The following FAM117B variants were observed in gnomAD, a reference collection of about 807,000 sequenced individuals.
FAM117B encodes the protein family with sequence similarity 117 member B.
Under a neutral mutation model 52.8 loss-of-function variants are expected in FAM117B, and 22 were observed. The ratio of observed to expected loss-of-function variants is 0.42; its 90% CI spans 0.30 to 0.59. FAM117B has a LOEUF of 0.59. FAM117B is among the 20% of genes least tolerant of loss of function. The probability of loss-of-function intolerance (pLI) is 0.22; values close to 1 mark genes in which losing one functional copy is unlikely to be tolerated. For missense variants in FAM117B, 678 were observed against 802.6 expected (o/e 0.84, Z 1.88); for synonymous variants, 309 against 324.1 (o/e 0.95, Z 0.50).
intron 1 of FAM117B, among the ~76,000 whole-genome samples, chr2:202,684,825 A>T (rs557808584): frequency 6.6e-6 from 1 of 152,188 alleles, no homozygotes; most frequent in Non-Finnish European, 1.5e-5. Context: ...GCTTATAGGA[A>T]TATAACTGTA....
At chr2:202,731,368 T>G (rs61660522) in intron 4 of FAM117B, among the ~76,000 whole-genome samples, 14,942 of 95,548 alleles carry the variant, frequency 0.16, 2,439 homozygotes, top group African/African-American at 0.33. Flanking sequence ...TATATATATA[T>G]GGAGAGAGAG....
chr2:202,660,331 AC>A (rs1403159255), intron 1 of FAM117B, among the ~76,000 whole-genome samples: 3 of 152,076 alleles, frequency 2.0e-5, no homozygotes, highest in Admixed American at 6.6e-5. Context: ...AGGCAATCAG[AC>A]TGGTTGGATT....
At chr2:202,664,116 C>T (rs1173054901) in intron 1 of FAM117B, among the ~76,000 whole-genome samples, 1 of 152,194 alleles carries the variant, frequency 6.6e-6, no homozygotes, top group African/African-American at 2.4e-5. Flanking sequence ...CATTTATATA[C>T]TTCTGTGCAT....
chr2:202,735,303 A>G (rs887523392), intron 4 of FAM117B, among the ~76,000 whole-genome samples: 2 of 152,128 alleles, frequency 1.3e-5, no homozygotes, highest in Admixed American at 6.5e-5. Context: ...GACTTTTTAC[A>G]AGTTATTACA....
intron 1 of FAM117B, among the ~76,000 whole-genome samples, chr2:202,671,222 G>C (rs1195437489): frequency 6.6e-6 from 1 of 152,232 alleles, no homozygotes; most frequent in Non-Finnish European, 1.5e-5. Flanking sequence ...CCTGAGACAA[G>C]GATTTGTTTG....
At chr2:202,700,385 T>C (rs1402807201) in intron 2 of FAM117B, among the ~76,000 whole-genome samples, 1 of 152,222 alleles carries the variant, frequency 6.6e-6, no homozygotes, top group African/African-American at 2.4e-5. Context: ...ATTGGCAATA[T>C]GGAAAAAGTT....
intron 4 of FAM117B, among the ~76,000 whole-genome samples, chr2:202,736,246 A>G (rs1691436021): frequency 6.6e-6 from 1 of 152,198 alleles, no homozygotes; most frequent in South Asian, 2.1e-4. Flanking sequence ...TTGAGAGAAT[A>G]GGTACTTTTG....
At chr2:202,718,949 C>A (rs924123407) in intron 2 of FAM117B, among the ~76,000 whole-genome samples, 4 of 152,136 alleles carry the variant, frequency 2.6e-5, no homozygotes, top group Non-Finnish European at 5.9e-5. Flanking sequence ...AGAAGCTCTT[C>A]GAGAATAAGA....
At position 202,731,602 on chromosome 2, in the gene FAM117B, T is replaced by C. The variant is rs564893964; in HGVS notation, c.960+5239T>C. On this transcript the variant is annotated intron_variant, in intron 4 of 7. Coordinates refer to ENST00000392238, the MANE Select transcript of FAM117B (RefSeq NM_173511.4). ...CCTACCACCATGCCCGGCTAATTTT[T>C]TGAGTTTTTAGTAAATACAGGGTTT... Among the ~76,000 whole-genome samples the C allele has an allele frequency of 2.0e-3, 298 of 148,086 alleles. 3 individuals are homozygous for C. The highest frequency in any genetic ancestry group is 6.9e-3 in the African/African-American group (277 of 40,144).
intron 7 of FAM117B, among the ~76,000 whole-genome samples, chr2:202,759,557 ATTTT>A (rs554908259): frequency 1.4e-5 from 2 of 140,914 alleles, no homozygotes; most frequent in African/African-American, 2.6e-5. Flanking sequence ...AGCCTGGCTA[ATTTT>A]TTTTTTTTTT....
Position 202,659,604 on chromosome 2 carries a change from CTTTTTTTTTTT to C in FAM117B, c.601+23836_601+23846del, listed in dbSNP as rs71030981. Among the ~76,000 whole-genome samples, 375 of 62,296 alleles carry C rather than the reference CTTTTTTTTTTT, an allele frequency of 6.0e-3. 6 individuals are homozygous for C. Among genetic ancestry groups the C allele is most frequent in the African/African-American group, 0.019 (308 of 16,610 alleles). The allele number at this position is 62,296 out of a possible 152,430, so 40.9% of individuals were successfully genotyped here. On this transcript the variant is annotated intron_variant, in intron 1 of 7. Transcript: ENST00000392238. ...GAGATTACAGACGTGAGCCACCGTG[CTTTTTTTTTTT>C]TTTTTTTTTTTTTTTTTTTGACGGA...
chr2:202,726,412 C>T, intron 4 of FAM117B, 49 bp downstream of exon 4: 1 of 1,396,548 alleles, frequency 7.2e-7, no homozygotes, highest in Non-Finnish European at 1.0e-6. Flanking sequence ...TGTTGTTTTT[C>T]TGGTGATTTG....
chr2:202,747,154 A>G (rs1463798675), intron 4 of FAM117B, among the ~76,000 whole-genome samples: 1 of 152,222 alleles, frequency 6.6e-6, no homozygotes, highest in African/African-American at 2.4e-5. Flanking sequence ...GATATATCAC[A>G]TCAACAGAAT....
intron 7 of FAM117B, among the ~76,000 whole-genome samples, chr2:202,760,528 A>G (rs577999389): frequency 6.6e-6 from 1 of 152,082 alleles, no homozygotes; most frequent in East Asian, 1.9e-4. Context: ...CATGCTTCCC[A>G]TGGGTTAAGG....
rs577774647 is a variant in FAM117B, at chr2:202,649,297, C to G, written c.601+13509C>G. Among the ~76,000 whole-genome samples the G allele has an allele frequency of 5.1e-4, 77 of 152,282 alleles. 2 individuals are homozygous for G. In the South Asian group the frequency reaches 0.016, roughly 31 times the overall value. On this transcript the variant is annotated intron_variant, in intron 1 of 7. Coordinates refer to ENST00000392238, the MANE Select transcript of FAM117B (RefSeq NM_173511.4). ...TACCAGAATGTCTCCTTCCCTCTCT[C>G]TTTTCTGTCTTCCCTATCTTCACTA... is the stretch of plus-strand genomic sequence containing the variant.
At chr2:202,651,517 C>T (rs538107952) in intron 1 of FAM117B, among the ~76,000 whole-genome samples, 8 of 150,982 alleles carry the variant, frequency 5.3e-5, no homozygotes, top group African/African-American at 1.5e-4. Context: ...GGATTATAGT[C>T]GCTCACGACC....
rs1188666988 is a variant in FAM117B at position 202,691,273 on chromosome 2, AGG to A, written c.602-4607_602-4606del. 3.9e-5 allele frequency among the ~76,000 whole-genome samples: 6 copies of A among 152,174 alleles called. No individual in the cohort carries two copies. The East Asian group carries it at 9.7e-4, about 25-fold the overall frequency. On this transcript the variant is annotated intron_variant, in intron 1 of 7. Coordinates refer to ENST00000392238, the MANE Select transcript of FAM117B (RefSeq NM_173511.4). ...TCTACTAAAAGTATAAAAATGAGCC[AGG>A]TGTTTTGGTGATGCATGCCTGTAAT...
chr2:202,678,581 C>T (rs183390273), intron 1 of FAM117B, among the ~76,000 whole-genome samples: 279 of 152,148 alleles, frequency 1.8e-3, no homozygotes, highest in African/African-American at 6.2e-3. Context: ...TATTTTGAGA[C>T]GGAGTTTCAC....
At position 202,765,536 on chromosome 2, in the gene FAM117B, C is replaced by A. The variant is rs938931875; in HGVS notation, c.1542C>A (p.Leu514=). Residue 514 remains leucine (L), a synonymous_variant, in exon 8 of 8, where the codon CTC becomes CTA. Coordinates refer to ENST00000392238, the MANE Select transcript of FAM117B (RefSeq NM_173511.4). ...FIPKSGSAFC[L]VSILKPLLPT... is the part of the protein sequence containing the mutation. ...CTAAAAGTGGATCTGCTTTCTGCCTCGTCAGCATCCTCAAGCCACTCCTTC... is the reference window on the plus strand; with the variant it reads ...CTAAAAGTGGATCTGCTTTCTGCCTAGTCAGCATCCTCAAGCCACTCCTTC... 5.0e-6 allele frequency: 8 copies of A among 1,614,098 alleles called. No homozygotes were observed. The highest frequency in any genetic ancestry group is 6.8e-6 in the Non-Finnish European group (8 of 1,180,024).
Sources: gnomAD v4.1 joint callset for allele counts (sites outside exome capture counted in the v4.1 genomes callset) on GRCh38, gnomAD v4.1.1 for gene constraint, MANE v1.5 for transcripts, NCBI Gene and HGNC (gene_info 2026-07-23, HGNC 2026-07-21) for gene names.